HIGD1C: variants seen among roughly 807,000 people sequenced by gnomAD.
The protein encoded by HIGD1C is HIG1 hypoxia inducible domain family member 1C, also known as HIG1 domain family member 1C.
In HIGD1C, 11 loss-of-function variants were observed where a neutral mutation model predicts 13.1. The ratio of observed to expected loss-of-function variants is 0.84; its 90% CI spans 0.53 to 1.39. HIGD1C has a LOEUF of 1.39. Ranked by LOEUF, HIGD1C falls within the 40% of genes most tolerant of loss-of-function variation. The probability of loss-of-function intolerance (pLI) is 0.00; values close to 1 mark genes in which losing one functional copy is unlikely to be tolerated. For missense variants in HIGD1C, 110 were observed against 112.0 expected (o/e 0.98, Z 0.08); for synonymous variants, 36 against 37.7 (o/e 0.95, Z 0.17).
chr12:50,935,411 C>T, the HIGD1C span: 6 of 152,242 alleles, frequency 3.9e-5, no homozygotes, highest in African/African-American at 1.4e-4. Flanking sequence ...CTAAAGGAAA[C>T]CATCTTGGGA....
intron 2 of HIGD1C, among the ~76,000 whole-genome samples, chr12:50,961,795 G>A (rs1939338955): frequency 6.6e-6 from 1 of 152,186 alleles, no homozygotes; most frequent in Non-Finnish European, 1.5e-5. Flanking sequence ...CGTGCAGAGT[G>A]GAGTCATCCT....
chr12:50,963,231 G>A (rs1461885316), intron 2 of HIGD1C, among the ~76,000 whole-genome samples: 1 of 151,762 alleles, frequency 6.6e-6, no homozygotes, highest in Admixed American at 6.6e-5. Context: ...TTGGCTGGGA[G>A]TAGTGGTGCA....
At chr12:50,969,154 T>C (rs1444052836) in intron 2 of HIGD1C, among the ~76,000 whole-genome samples, 3 of 149,498 alleles carry the variant, frequency 2.0e-5, no homozygotes, top group African/African-American at 7.4e-5. Context: ...ATTAGCTGGG[T>C]GTGGTGGCGC....
At chr12:50,965,399 A>G (rs1472405298) in intron 2 of HIGD1C, among the ~76,000 whole-genome samples, 1 of 151,644 alleles carries the variant, frequency 6.6e-6, no homozygotes, top group Non-Finnish European at 1.5e-5. Context: ...CTGGGATTAC[A>G]GTTGTCAGCC....
chr12:50,971,074 T>C (rs1939743722), downstream of HIGD1C, among the ~76,000 whole-genome samples: 1 of 152,086 alleles, frequency 6.6e-6, no homozygotes, highest in Admixed American at 6.6e-5. Flanking sequence ...GAGATGGGGT[T>C]TCATCATGTT....
At chr12:50,942,600 C>T in the HIGD1C span, among the ~76,000 whole-genome samples, 10 of 152,160 alleles carry the variant, frequency 6.6e-5, no homozygotes, top group Admixed American at 2.6e-4. Flanking sequence ...GGTGTAGTGG[C>T]TCATGCCTGT....
chr12:50,953,700 G>A (rs1938981366), upstream of HIGD1C, among the ~76,000 whole-genome samples: 1 of 152,300 alleles, frequency 6.6e-6, no homozygotes, highest in East Asian at 1.9e-4. Flanking sequence ...CTCAAATGCT[G>A]AGCAGTGGAA....
chr12:50,953,221 C>A (rs983032066), upstream of HIGD1C, among the ~76,000 whole-genome samples: 6 of 152,200 alleles, frequency 3.9e-5, no homozygotes, highest in African/African-American at 1.2e-4. Flanking sequence ...GCTGAAGGAA[C>A]AACAGGAGAC....
intron 1 of HIGD1C, among the ~76,000 whole-genome samples, chr12:50,958,231 T>G (rs1363768436): frequency 6.6e-6 from 1 of 152,022 alleles, no homozygotes. Context: ...TAGACAAACT[T>G]ATTCTAAATC....
At chr12:50,963,688 G>A (rs1375705816) in intron 2 of HIGD1C, among the ~76,000 whole-genome samples, 1 of 152,140 alleles carries the variant, frequency 6.6e-6, no homozygotes, top group Admixed American at 6.5e-5. Context: ...AAGCAAAACT[G>A]TACCGCAACA....
intron 1 of HIGD1C, among the ~76,000 whole-genome samples, chr12:50,957,005 G>A (rs570307300): frequency 1.3e-5 from 2 of 148,616 alleles, no homozygotes; most frequent in East Asian, 3.9e-4. Flanking sequence ...TTTTTTTGCT[G>A]TTTTTATGTC....
chr12:50,937,907 G>T, the HIGD1C span, among the ~76,000 whole-genome samples: 1 of 152,110 alleles, frequency 6.6e-6, no homozygotes, highest in African/African-American at 2.4e-5. Flanking sequence ...CATGCTGATG[G>T]GTCCATGGGC....
intron 1 of HIGD1C, among the ~76,000 whole-genome samples, chr12:50,957,747 T>C (rs1184259362): frequency 6.6e-6 from 1 of 151,772 alleles, no homozygotes; most frequent in African/African-American, 2.4e-5. Flanking sequence ...TAGCCAGGTG[T>C]GGTGGCATGC....
intron 1 of HIGD1C, 99 bp from the exon 4 acceptor site, chr12:50,960,868 TG>T: frequency 2.0e-6 from 2 of 987,346 alleles, no homozygotes; most frequent in South Asian, 2.1e-5. Flanking sequence ...TTTTTAGAGA[TG>T]GGGTCTTGCT....
chr12:50,940,476 G>A, the HIGD1C span, among the ~76,000 whole-genome samples: 13 of 152,144 alleles, frequency 8.5e-5, no homozygotes, highest in African/African-American at 2.9e-4. Flanking sequence ...CCAGCAGTAT[G>A]GGAGGCCAAG....
chr12:50,943,275 C>T, the HIGD1C span, among the ~76,000 whole-genome samples: 1 of 152,164 alleles, frequency 6.6e-6, no homozygotes, highest in African/African-American at 2.4e-5. Flanking sequence ...TGGTTCTATA[C>T]ATGATAACAT....
At chr12:50,936,346 G>A in the HIGD1C span, among the ~76,000 whole-genome samples, 3 of 152,130 alleles carry the variant, frequency 2.0e-5, no homozygotes, top group Admixed American at 6.5e-5. Flanking sequence ...CTGGGCTCAA[G>A]CAATTCTCAA....
At chr12:50,953,656 T>C (rs962968235), upstream of HIGD1C, among the ~76,000 whole-genome samples, 12 of 152,248 alleles carry the variant, frequency 7.9e-5, no homozygotes, top group Non-Finnish European at 1.5e-4. Flanking sequence ...TCAAATACAG[T>C]GCTTGTGGAA....
the HIGD1C span, among the ~76,000 whole-genome samples, chr12:50,936,375 G>A: frequency 2.6e-5 from 4 of 152,160 alleles, no homozygotes; most frequent in African/African-American, 9.7e-5. Flanking sequence ...CTCCCAAAGT[G>A]CTGTGATTAC....
Sources: allele counts gnomAD v4.1 joint callset (sites outside exome capture counted in the v4.1 genomes callset), GRCh38; gene constraint gnomAD v4.1.1; transcripts MANE v1.5; gene names NCBI Gene and HGNC (gene_info 2026-07-23, HGNC 2026-07-21).